Variants in TBPL2 observed in about 807,000 individuals in gnomAD.
The protein encoded by TBPL2 is TATA-box binding protein like 2, also known as TATA box-binding protein-like 2.
Under a neutral mutation model 38.2 loss-of-function variants are expected in TBPL2, and 40 were observed. The observed-to-expected ratio is 1.05, with a 90% CI of 0.81 to 1.36. The LOEUF (loss-of-function observed/expected upper bound fraction) is 1.36. TBPL2 is among the 40% of genes most tolerant of loss of function. The pLI is 0.00. For synonymous variants in TBPL2, 169 were observed against 171.7 expected (o/e 0.98, Z 0.12); for missense variants, 461 against 456.7 (o/e 1.01, Z -0.09).
chr14:55,419,469 C>T (rs562463705), intron 6 of TBPL2, among the ~76,000 whole-genome samples: 1 of 152,266 alleles, frequency 6.6e-6, no homozygotes, highest in African/African-American at 2.4e-5. Flanking sequence ...ATTAATTTTA[C>T]TGTGGTTTAA....
chr14:55,431,709 C>T (rs187370726), intron 4 of TBPL2, among the ~76,000 whole-genome samples: 4 of 152,264 alleles, frequency 2.6e-5, no homozygotes, highest in South Asian at 2.1e-4. Flanking sequence ...ACAATGGATC[C>T]TTCAATAAAT....
At chr14:55,417,779 G>T (rs2140163817) in intron 6 of TBPL2, among the ~76,000 whole-genome samples, 1 of 152,278 alleles carries the variant, frequency 6.6e-6, no homozygotes, top group Non-Finnish European at 1.5e-5. Context: ...CTTTTCTTCA[G>T]GCTGTAATTT....
At chr14:55,424,137 A>G (rs1885784931) in intron 6 of TBPL2, 22 bp downstream of exon 6, 1 of 1,563,110 alleles carries the variant, frequency 6.4e-7, no homozygotes, top group Admixed American at 1.7e-5. Context: ...TTTATGAGTC[A>G]GAAAATAATC....
rs1594794597 is a variant in TBPL2 at position 55,436,442 on chromosome 14, A to G, written c.608+119T>C. ...CAATCCATTTAGAACTGATAAAACA[A>G]AGAATTATGAAATCTGAAATTCTCT... On this transcript the variant is annotated intron_variant, in intron 2 of 6. Transcript: ENST00000247219. The G allele has an allele frequency of 1.7e-5, 16 of 949,334 alleles. No homozygotes were observed. The East Asian group carries it at 4.1e-4, about 25-fold the overall frequency. 58.8% of individuals were successfully genotyped at this position (949,334 alleles called of 1,614,324 possible). A position where few individuals can be genotyped will look rare whatever the true frequency, so the allele number is the denominator to read the frequency against.
chr14:55,437,165 T>C (rs1886030158), intron 1 of TBPL2, 147 bp from the exon 2 acceptor site: 3 of 695,438 alleles, frequency 4.3e-6, no homozygotes, highest in Non-Finnish European at 7.2e-6. Flanking sequence ...ACTGCTTTTT[T>C]CTAGAAAATG....
At chr14:55,424,064 A>T in intron 6 of TBPL2, 95 bp downstream of exon 6, 1 of 823,332 alleles carries the variant, frequency 1.2e-6, no homozygotes, top group Non-Finnish European at 2.0e-6. Context: ...AACAAGAATT[A>T]CTTTACCATG....
intron 5 of TBPL2, among the ~76,000 whole-genome samples, chr14:55,426,375 A>C (rs1418576500): frequency 6.6e-6 from 1 of 152,214 alleles, no homozygotes; most frequent in African/African-American, 2.4e-5. Context: ...TGGTAACAAA[A>C]GGAGATACTT....
chr14:55,435,240 G>A (rs959309285), intron 3 of TBPL2, among the ~76,000 whole-genome samples: 3 of 152,030 alleles, frequency 2.0e-5, no homozygotes, highest in Non-Finnish European at 2.9e-5. Flanking sequence ...AAATTTGATG[G>A]CATTTTAAGA....
intron 5 of TBPL2, among the ~76,000 whole-genome samples, chr14:55,424,932 A>G (rs1885798688): frequency 6.6e-6 from 1 of 152,192 alleles, no homozygotes; most frequent in African/African-American, 2.4e-5. Flanking sequence ...GAACCTACCA[A>G]AAAGAAGTCA....
At chr14:55,435,531 C>T (rs2140179277) in intron 3 of TBPL2, among the ~76,000 whole-genome samples, 1 of 152,220 alleles carries the variant, frequency 6.6e-6, no homozygotes, top group South Asian at 2.1e-4. Flanking sequence ...GCCTCAGCCT[C>T]CCAAAGTGCT....
Position 55,437,484 on chromosome 14 carries a change from G to A in TBPL2, c.151-466C>T, listed in dbSNP as rs143580328. ...CAGAGCGAGACTCCATCTAAAAAAT[G>A]ATTCTATTACAGTTACAGCACACTT... is the stretch of plus-strand genomic sequence containing the variant. On this transcript the variant is annotated intron_variant, in intron 1 of 6. Coordinates refer to ENST00000247219, the Ensembl canonical transcript of TBPL2. Among the ~76,000 whole-genome samples, 287 of 152,238 alleles carry A rather than the reference G, an allele frequency of 1.9e-3. 1 individual carries two copies. The highest frequency in any genetic ancestry group is 2.2e-3 in the Admixed American group (33 of 15,286).
At chr14:55,421,134 G>T (rs1468195229) in intron 6 of TBPL2, among the ~76,000 whole-genome samples, 1 of 150,896 alleles carries the variant, frequency 6.6e-6, no homozygotes, top group Non-Finnish European at 1.5e-5. Flanking sequence ...GGCATTTAAA[G>T]AAATCTATAA....
Position 55,440,098 on chromosome 14 carries a change from AAATCAATC to A in TBPL2, c.150+290_150+297del, listed in dbSNP as rs373713383. Among the ~76,000 whole-genome samples, 726 of 151,348 alleles carry A rather than the reference AAATCAATC, an allele frequency of 4.8e-3. 1 individual carries two copies. The highest frequency in any genetic ancestry group is 6.3e-3 in the Non-Finnish European group (428 of 67,742). ...CTGGGCGAGACTCCATCTCAGAGAA[AAATCAATC>A]AATCAATCAATCAATCAATCAAAAA... On this transcript the variant is annotated intron_variant, in intron 1 of 6. Coordinates refer to ENST00000247219, the Ensembl canonical transcript of TBPL2.
exon 1 of TBPL2, chr14:55,440,521 G>T (rs1419487918): frequency 6.2e-7 from 1 of 1,609,106 alleles, no homozygotes; most frequent in East Asian, 2.2e-5. Context: ...CTCGGAACCC[G>T]CTCCGGCCAG....
At chr14:55,436,166 T>C (rs1387619670) in intron 2 of TBPL2, among the ~76,000 whole-genome samples, 1 of 152,216 alleles carries the variant, frequency 6.6e-6, no homozygotes, top group Non-Finnish European at 1.5e-5. Context: ...AAGTTTTAGA[T>C]CTTTTTTCAA....
intron 1 of TBPL2, among the ~76,000 whole-genome samples, chr14:55,439,920 G>T (rs1594795820): frequency 2.7e-5 from 1 of 36,856 alleles, no homozygotes; most frequent in Non-Finnish European, 5.3e-5. Context: ...GACAGAGCGA[G>T]ACTCTGTCTC....
chr14:55,439,755 ACT>A (rs1886079161), intron 1 of TBPL2, among the ~76,000 whole-genome samples: 1 of 151,416 alleles, frequency 6.6e-6, no homozygotes, highest in African/African-American at 2.4e-5. Flanking sequence ...ACGGTGAAAC[ACT>A]GTCTCTACTA....
exon 2 of TBPL2, chr14:55,436,891 T>A (rs1213328103): frequency 1.9e-6 from 3 of 1,614,104 alleles, no homozygotes; most frequent in Non-Finnish European, 2.5e-6. Flanking sequence ...AGATGAGAAA[T>A]CACCAGATGT....
At chr14:55,433,361 C>T (rs942569325) in intron 4 of TBPL2, among the ~76,000 whole-genome samples, 21 of 146,482 alleles carry the variant, frequency 1.4e-4, no homozygotes, top group African/African-American at 5.1e-4. Context: ...CTGTGTTGCC[C>T]AGGCTGGTCT....
Sources: gnomAD v4.1 joint callset for allele counts (sites outside exome capture counted in the v4.1 genomes callset) on GRCh38, gnomAD v4.1.1 for gene constraint, MANE v1.5 for transcripts, NCBI Gene and HGNC (gene_info 2026-07-23, HGNC 2026-07-21) for gene names.